STXBP5L: variants seen among roughly 807,000 people sequenced by gnomAD.
The protein encoded by STXBP5L is syntaxin binding protein 5L, also known as syntaxin-binding protein 5-like.
A neutral mutation model predicts 144.5 loss-of-function variants in STXBP5L; 65 were observed. The ratio of observed to expected loss-of-function variants is 0.45; its 90% CI spans 0.37 to 0.55. The LOEUF (loss-of-function observed/expected upper bound fraction) is 0.55, where lower values mean the gene tolerates loss of function less well. Among genes scored for constraint, STXBP5L ranks in the 20% least tolerant of loss-of-function variants. The pLI is 0.00. For missense variants in STXBP5L, 1,298 were observed against 1,405.5 expected (o/e 0.92, Z 1.22); for synonymous variants, 505 against 469.6 (o/e 1.08, Z -0.97).
chr3:120,975,601 AG>A (rs1347081794), intron 3 of STXBP5L, among the ~76,000 whole-genome samples: 1 of 152,096 alleles, frequency 6.6e-6, no homozygotes, highest in Admixed American at 6.5e-5. Context: ...GTGGTGAGAG[AG>A]GGCATCCCTG....
chr3:121,375,525 G>A (rs559775322), intron 20 of STXBP5L, among the ~76,000 whole-genome samples: 1 of 152,182 alleles, frequency 6.6e-6, no homozygotes, highest in South Asian at 2.1e-4. Flanking sequence ...TTTTTTCTGA[G>A]CTTTAGTTTC....
intron 14 of STXBP5L, among the ~76,000 whole-genome samples, chr3:121,243,913 G>A (rs2049754209): frequency 6.6e-6 from 1 of 152,050 alleles, no homozygotes; most frequent in Non-Finnish European, 1.5e-5. Context: ...CTATTCTGAT[G>A]TTAGTTCTGT....
chr3:120,946,092 A>G (rs745576431), intron 2 of STXBP5L, among the ~76,000 whole-genome samples: 40 of 151,850 alleles, frequency 2.6e-4, no homozygotes, highest in Non-Finnish European at 4.9e-4. Context: ...AGCATTCCTC[A>G]TAAATTAACT....
At chr3:121,223,208 C>G (rs371346238) in intron 11 of STXBP5L, 51 bp downstream of exon 11, 851 of 1,527,094 alleles carry the variant, frequency 5.6e-4, no homozygotes, top group South Asian at 2.7e-3. Context: ...TTGGAAATGA[C>G]AAGTTTCTAA....
chr3:121,088,234 C>A (rs1298452900), intron 5 of STXBP5L, among the ~76,000 whole-genome samples: 2 of 136,224 alleles, frequency 1.5e-5, no homozygotes, highest in South Asian at 5.2e-4. Flanking sequence ...TGAACTCAAA[C>A]AAATTTACAA....
At chr3:121,020,763 T>C (rs1473761041) in intron 3 of STXBP5L, among the ~76,000 whole-genome samples, 3 of 151,778 alleles carry the variant, frequency 2.0e-5, no homozygotes, top group Non-Finnish European at 4.4e-5. Flanking sequence ...TAAAGGGAGT[T>C]CTAAATCTTG....
intron 5 of STXBP5L, among the ~76,000 whole-genome samples, chr3:121,096,269 G>A (rs1057265771): frequency 2.0e-5 from 3 of 152,068 alleles, no homozygotes; most frequent in South Asian, 2.1e-4. Context: ...CTTTCTTCAC[G>A]CTTCTTAGCT....
chr3:121,292,988 A>G (rs1425774792), intron 19 of STXBP5L, among the ~76,000 whole-genome samples: 1 of 152,202 alleles, frequency 6.6e-6, no homozygotes, highest in Non-Finnish European at 1.5e-5. Flanking sequence ...CTACTTATCC[A>G]TGTAAATAAA....
At chr3:121,024,386 C>G (rs942866162) in intron 3 of STXBP5L, among the ~76,000 whole-genome samples, 2 of 152,100 alleles carry the variant, frequency 1.3e-5, no homozygotes, top group African/African-American at 4.8e-5. Context: ...TTCTTTAGTC[C>G]TACCACTAAG....
chr3:121,009,681 G>A (rs1944624908), intron 3 of STXBP5L, among the ~76,000 whole-genome samples: 1 of 151,990 alleles, frequency 6.6e-6, no homozygotes. Flanking sequence ...GTGAAATGGG[G>A]ATCTGAGTCA....
intron 3 of STXBP5L, among the ~76,000 whole-genome samples, chr3:120,985,494 C>T (rs1313770018): frequency 6.6e-6 from 1 of 152,012 alleles, no homozygotes; most frequent in African/African-American, 2.4e-5. Context: ...ACTATAGTCA[C>T]CATGCTGTGT....
At chr3:121,081,581 T>C (rs1248865544) in intron 5 of STXBP5L, among the ~76,000 whole-genome samples, 3 of 152,188 alleles carry the variant, frequency 2.0e-5, no homozygotes, top group African/African-American at 7.2e-5. Context: ...ATGGCAGGGA[T>C]CTCTTGAAGC....
At chr3:120,995,187 A>G (rs1943241295) in intron 3 of STXBP5L, among the ~76,000 whole-genome samples, 1 of 152,256 alleles carries the variant, frequency 6.6e-6, no homozygotes, top group South Asian at 2.1e-4. Context: ...TTTCTCTGTC[A>G]TCCAGGCTGG....
intron 19 of STXBP5L, among the ~76,000 whole-genome samples, chr3:121,298,354 A>C (rs1340819380): frequency 6.6e-6 from 1 of 152,194 alleles, no homozygotes; most frequent in African/African-American, 2.4e-5. Context: ...TAAACATAAG[A>C]CCTAAAACTG....
intron 5 of STXBP5L, among the ~76,000 whole-genome samples, chr3:121,108,177 C>T (rs9882481): frequency 0.23 from 35,380 of 152,096 alleles, 4,233 homozygotes; most frequent in Non-Finnish European, 0.26. Context: ...GTTTGACTTC[C>T]TCTCTTCCTA....
At chr3:121,331,930 A>G (rs1015746669) in intron 20 of STXBP5L, among the ~76,000 whole-genome samples, 2 of 152,162 alleles carry the variant, frequency 1.3e-5, no homozygotes, top group African/African-American at 4.8e-5. Context: ...CATTGCCACC[A>G]CAACCAGCAT....
chr3:121,276,725 T>G (rs928646196), intron 18 of STXBP5L, among the ~76,000 whole-genome samples: 2 of 151,732 alleles, frequency 1.3e-5, no homozygotes, highest in African/African-American at 2.4e-5. Flanking sequence ...ATCATTTTAA[T>G]TTTTACATGT....
intron 20 of STXBP5L, among the ~76,000 whole-genome samples, chr3:121,376,035 T>A (rs996798654): frequency 1.3e-5 from 2 of 152,224 alleles, no homozygotes; most frequent in Non-Finnish European, 2.9e-5. Flanking sequence ...AAATAAACAG[T>A]ACTCTTATCT....
At chr3:120,915,725 C>A (rs1709069039) in intron 2 of STXBP5L, among the ~76,000 whole-genome samples, 1 of 151,894 alleles carries the variant, frequency 6.6e-6, no homozygotes, top group Non-Finnish European at 1.5e-5. Context: ...TTCCTAATTT[C>A]CTAGGTAATA....
Sources: gnomAD v4.1 joint callset for allele counts (sites outside exome capture counted in the v4.1 genomes callset) on GRCh38, gnomAD v4.1.1 for gene constraint, MANE v1.5 for transcripts, NCBI Gene and HGNC (gene_info 2026-07-23, HGNC 2026-07-21) for gene names.